Variants in TRABD2A observed in about 807,000 individuals in gnomAD.
TRABD2A encodes the protein metalloprotease TIKI1.
In TRABD2A, 43 loss-of-function variants were observed where a neutral mutation model predicts 45.6. The ratio of observed to expected loss-of-function variants is 0.94; its 90% CI spans 0.74 to 1.22. The LOEUF is 1.22. TRABD2A is among the 50% of genes most tolerant of loss of function. TRABD2A has a pLI of 0.00. For missense variants in TRABD2A, 642 were observed against 652.4 expected, an observed-to-expected ratio of 0.98 and a Z score of 0.17; for synonymous variants, 269 against 265.0, an observed-to-expected ratio of 1.02 and a Z score of -0.15.
In TRABD2A at chr2:84,827,789, A is replaced by C. The variant is rs371791151; in HGVS notation, c.1083-3585T>G. 2.0e-5 allele frequency among the ~76,000 whole-genome samples: 3 copies of C among 152,158 alleles called. No homozygotes were observed. The East Asian group carries it at 5.8e-4, about 29-fold the overall frequency. ...TGGTCAGAGGGGGATATGACTATGGAAGAATGGTTATAGAGATGCAATATT... is the reference window on the plus strand; with the variant it reads ...TGGTCAGAGGGGGATATGACTATGGCAGAATGGTTATAGAGATGCAATATT... On this transcript the variant is annotated intron_variant, in intron 5 of 6. Coordinates refer to ENST00000409520, the MANE Select transcript of TRABD2A (RefSeq NM_001277053.2).
chr2:84,867,949 G>A (rs1448873113), intron 2 of TRABD2A, among the ~76,000 whole-genome samples: 1 of 152,210 alleles, frequency 6.6e-6, no homozygotes, highest in African/African-American at 2.4e-5. Flanking sequence ...GTACTGGAGA[G>A]GATGTGGAGA....
At position 84,870,566 on chromosome 2, in the gene TRABD2A, T is replaced by G; in HGVS notation, c.328A>C (p.Asn110His). 1 of 1,613,856 alleles carries G rather than the reference T, an allele frequency of 6.2e-7. No homozygotes were observed. Among genetic ancestry groups the G allele is most frequent in the Non-Finnish European group, 8.5e-7 (1 of 1,179,832 alleles). ...TCCCTGGGGAGCACATCTTGGAGGT[T>G]CTCGCCCTGTGGCAGCATCTGACAG... ...TSCQMLPQGE[N>H]LQDVLPRDIY... Residue 110 changes from asparagine to histidine, a missense_variant, in exon 2 of 7, where the codon AAC becomes CAC. Coordinates refer to ENST00000409520, the MANE Select transcript of TRABD2A (RefSeq NM_001277053.2).
intron 4 of TRABD2A, chr2:84,833,229 C>A (rs952183652): frequency 1.3e-5 from 2 of 152,116 alleles, no homozygotes; most frequent in Admixed American, 6.5e-5. Context: ...AGTGCAGGGG[C>A]GATAGCTGTA....
intron 1 of TRABD2A, among the ~76,000 whole-genome samples, chr2:84,871,482 C>A (rs1682870732): frequency 6.8e-6 from 1 of 147,080 alleles, no homozygotes. Context: ...CTCAGAAATG[C>A]TACTTTTTTT....
At chr2:84,829,541 A>G (rs888858373) in intron 5 of TRABD2A, among the ~76,000 whole-genome samples, 2 of 140,810 alleles carry the variant, frequency 1.4e-5, no homozygotes, top group Admixed American at 1.4e-4. Flanking sequence ...CACATACACA[A>G]TACACACACC....
At chr2:84,824,546 CTTTTTTTTTTTTT>C (rs33984190) in intron 5 of TRABD2A, among the ~76,000 whole-genome samples, 1 of 106,096 alleles carries the variant, frequency 9.4e-6, no homozygotes, top group African/African-American at 3.5e-5. Flanking sequence ...ACAATTATAG[CTTTTTTTTTTTTT>C]TTTTTTTTTG....
At chr2:84,871,249 G>T (rs1682864456) in intron 1 of TRABD2A, among the ~76,000 whole-genome samples, 1 of 152,164 alleles carries the variant, frequency 6.6e-6, no homozygotes, top group South Asian at 2.1e-4. Flanking sequence ...TGAGTCTCAG[G>T]GGCCTCCAAG....
intron 2 of TRABD2A, among the ~76,000 whole-genome samples, chr2:84,852,999 TC>T (rs1342538424): frequency 6.6e-6 from 1 of 151,972 alleles, no homozygotes; most frequent in Non-Finnish European, 1.5e-5. Context: ...GTTAAATTTT[TC>T]CCCCCACCCA....
chr2:84,874,991 A>C (rs1682983950), intron 1 of TRABD2A: 2 of 167,322 alleles, frequency 1.2e-5, no homozygotes, highest in Non-Finnish European at 1.3e-5. Context: ...GGAACCATTA[A>C]AGAGATCCTG....
Position 84,870,430 on chromosome 2 carries a change from G to T in TRABD2A, c.464C>A (p.Ala155Asp). ...KGLYADYLFN[A>D]IAGNWERKRP... ...CTTGCGCTCCCAGTTTCCGGCAATA[G>T]CATTGAAGAGGTAGTCTGCGTAGAG... The change falls in exon 2 of 7, where the codon GCT (alanine) becomes GAT (aspartate). Residue 155 changes from alanine (A) to aspartate (D), a missense_variant. Transcript: ENST00000409520. The T allele has an allele frequency of 6.2e-7, 1 of 1,614,044 alleles. No homozygotes were observed. Among genetic ancestry groups the T allele is most frequent in the Non-Finnish European group, 8.5e-7 (1 of 1,179,890 alleles).
chr2:84,874,768 AG>A, intron 1 of TRABD2A: 1 of 245,808 alleles, frequency 4.1e-6, no homozygotes, highest in Non-Finnish European at 8.2e-6. Flanking sequence ...CAGTGACTGG[AG>A]GGGTCTGAGG....
intron 2 of TRABD2A, among the ~76,000 whole-genome samples, chr2:84,854,635 C>A (rs1573938970): frequency 6.6e-6 from 1 of 152,136 alleles, no homozygotes. Flanking sequence ...GGAAGACTGG[C>A]CTTGGTGCCT....
intron 2 of TRABD2A, among the ~76,000 whole-genome samples, chr2:84,848,973 G>A (rs896295690): frequency 1.4e-4 from 21 of 152,178 alleles, no homozygotes; most frequent in East Asian, 5.8e-4. Context: ...AATGCAGCCC[G>A]AGCTATCCTA....
At chr2:84,827,473 A>G (rs992319939) in intron 5 of TRABD2A, among the ~76,000 whole-genome samples, 9 of 152,162 alleles carry the variant, frequency 5.9e-5, no homozygotes, top group African/African-American at 2.2e-4. Context: ...TCCTTACTTC[A>G]AGTGCATCCC....
intron 1 of TRABD2A, among the ~76,000 whole-genome samples, chr2:84,872,049 G>A (rs932633757): frequency 1.3e-5 from 2 of 152,170 alleles, no homozygotes; most frequent in Non-Finnish European, 2.9e-5. Context: ...GCCCCTGAGT[G>A]TCTCTCATCC....
chr2:84,838,370 G>C, intron 4 of TRABD2A: 1 of 618,648 alleles, frequency 1.6e-6, no homozygotes. Context: ...AATTTCCAGA[G>C]CTGTGGAAAA....
At position 84,872,886 on chromosome 2, in the gene TRABD2A, G is replaced by A. The variant is rs567584861; in HGVS notation, c.109-2101C>T. Among the ~76,000 whole-genome samples the A allele has an allele frequency of 5.3e-5, 8 of 152,124 alleles. No homozygotes were observed. The South Asian group carries it at 6.2e-4, about 12-fold the overall frequency. ...TTCCAGCACTTCGGGAGGCCGAGGC[G>A]GGGGGATTGCCTGAGCTCAGGAGTT... is the stretch of plus-strand genomic sequence containing the variant. On this transcript the variant is annotated intron_variant, in intron 1 of 6. Coordinates refer to ENST00000409520, the MANE Select transcript of TRABD2A (RefSeq NM_001277053.2).
At chr2:84,854,057 T>G (rs1184962958) in intron 2 of TRABD2A, among the ~76,000 whole-genome samples, 2 of 148,654 alleles carry the variant, frequency 1.3e-5, no homozygotes, top group Non-Finnish European at 3.0e-5. Context: ...ATATTATATA[T>G]AAATATATAT....
At chr2:84,869,246 C>T (rs1397755569) in intron 2 of TRABD2A, among the ~76,000 whole-genome samples, 1 of 152,222 alleles carries the variant, frequency 6.6e-6, no homozygotes, top group Non-Finnish European at 1.5e-5. Flanking sequence ...AAAACCTCAA[C>T]GTGACCCAAT....
Sources: allele counts gnomAD v4.1 joint callset (sites outside exome capture counted in the v4.1 genomes callset), GRCh38; gene constraint gnomAD v4.1.1; transcripts MANE v1.5; gene names NCBI Gene and HGNC (gene_info 2026-07-23, HGNC 2026-07-21).